DNAH8: variants seen among roughly 807,000 people sequenced by gnomAD.
The protein encoded by DNAH8 is axonemal beta dynein heavy chain 8.
A neutral mutation model predicts 562.1 loss-of-function variants in DNAH8; 382 were observed. That is an observed-to-expected ratio of 0.68 (90% CI 0.63 to 0.74). The LOEUF is 0.74. Ranked by LOEUF, DNAH8 falls within the 30% of genes least tolerant of loss-of-function variation. The pLI is 0.00. For missense variants in DNAH8, 5,203 were observed against 5,620.4 expected (o/e 0.93, Z 2.37); for synonymous variants, 1,881 against 1,919.4 (o/e 0.98, Z 0.52).
chr6:38,917,916 A>G lies in DNAH8; in HGVS notation c.10309-9A>G. On this transcript the variant is annotated splice_polypyrimidine_tract_variant and intron_variant, in intron 69 of 92. Coordinates refer to ENST00000327475, the MANE Select transcript of DNAH8 (RefSeq NM_001206927.2). Reference sequence around the variant, plus strand: ...TCCAGAACTTACAGGTTATAATACTATTTTTCAGTTGATGAGTGCAACAGG... The same window carrying G: ...TCCAGAACTTACAGGTTATAATACTGTTTTTCAGTTGATGAGTGCAACAGG... 6.2e-7 allele frequency: 1 copy of G among 1,600,348 alleles called. No individual in the cohort carries two copies.
chr6:38,851,654 A>C lies in DNAH8; in HGVS notation c.5446A>C (p.Ser1816Arg). 6.2e-7 allele frequency: 1 copy of C among 1,608,830 alleles called. No homozygotes were observed. The highest frequency in any genetic ancestry group is 2.2e-5 in the East Asian group (1 of 44,822). The change falls in exon 39 of 93, where the codon AGT becomes CGT. Residue 1816 changes from serine to arginine, a missense_variant. Physicochemically the swap from Ser to Arg is moderately radical, Grantham distance 110 (BLOSUM62 -1). Around this residue, in one of 6 missense-constraint regions of DNAH8, gnomAD observed 2,176 missense variants for 2,365.1 expected, o/e 0.92. Transcript: ENST00000327475. ...TCTCCTGGAAATTCTTGGACAAGCC[A>C]GTGATTCCCACACCATACAGGTATA... ...PVLLEILGQA[S>R]DSHTIQPHLP...
chr6:38,913,835 G>T lies in DNAH8; in HGVS notation c.9860-14G>T. ...CTGTACTCAGTAAAGGTATATATGT[G>T]TGTATTTGTAAAGGTCTTGATAAAC... On this transcript the variant is annotated splice_polypyrimidine_tract_variant and intron_variant, in intron 66 of 92. Transcript: ENST00000327475. The T allele has an allele frequency of 6.3e-7, 1 of 1,587,800 alleles. No individual in the cohort carries two copies. The highest frequency in any genetic ancestry group is 8.6e-7 in the Non-Finnish European group (1 of 1,156,822).
Position 38,913,886 on chromosome 6 carries a change from T to G in DNAH8, c.9897T>G (p.Ala3299=), listed in dbSNP as rs1199307195. The stretch of plus-strand genomic sequence containing the variant: ...TAATGGAGGCAAGTGAATCTGTTGC[T>G]AAACTCTCTCAGGATCTTGCAGTCA... ...DKLMEASESV[A]KLSQDLAVKE... Residue 3299 remains alanine (A), a synonymous_variant, in exon 67 of 93, where the codon GCT becomes GCG. Coordinates refer to ENST00000327475, the MANE Select transcript of DNAH8 (RefSeq NM_001206927.2). 1.2e-6 allele frequency: 2 copies of G among 1,613,456 alleles called. No individual in the cohort carries two copies. The highest frequency in any genetic ancestry group is 3.3e-4 in the Middle Eastern group (2 of 6,058).
intron 12 of DNAH8, among the ~76,000 whole-genome samples, chr6:38,771,817 T>C (rs1340330399): frequency 1.3e-5 from 2 of 152,190 alleles, no homozygotes; most frequent in African/African-American, 4.8e-5. Context: ...TATTTCCTCT[T>C]TTTGGCTATT....
intron 82 of DNAH8, among the ~76,000 whole-genome samples, chr6:38,964,965 G>A (rs1399361560): frequency 1.3e-5 from 2 of 152,106 alleles, no homozygotes. Context: ...TCAGGAAGCT[G>A]AGGCATGAGA....
chr6:38,974,334 A>C (rs753231423), intron 84 of DNAH8, 40 bp from the exon 85 acceptor site: 1 of 1,483,984 alleles, frequency 6.7e-7, no homozygotes, highest in Non-Finnish European at 9.2e-7. Flanking sequence ...TCTTTATAGT[A>C]ATTTATAGAA....
intron 44 of DNAH8, 105 bp downstream of exon 44, chr6:38,862,563 CATTAGTATGGGTTGATCCGTAT>C: frequency 7.6e-7 from 1 of 1,320,542 alleles, no homozygotes; most frequent in Non-Finnish European, 1.0e-6. Context: ...ATATAATCTA[CATTAGTATGGGTTGATCCGTAT>C]GATATTGCCA....
At chr6:38,784,451 C>G (rs72849924) in intron 17 of DNAH8, among the ~76,000 whole-genome samples, 18,297 of 152,224 alleles carry the variant, frequency 0.12, 1,356 homozygotes, top group Admixed American at 0.21. Context: ...TTTCATACAG[C>G]CTTTCCTTAT....
At chr6:39,011,055 AC>A (rs1446054258) in intron 89 of DNAH8, among the ~76,000 whole-genome samples, 1 of 151,922 alleles carries the variant, frequency 6.6e-6, no homozygotes, top group Admixed American at 6.6e-5. Flanking sequence ...AGTTTGCTCC[AC>A]CCGCATAGGT....
At chr6:38,831,762 C>T (rs1345910014) in intron 30 of DNAH8, among the ~76,000 whole-genome samples, 1 of 152,108 alleles carries the variant, frequency 6.6e-6, no homozygotes, top group African/African-American at 2.4e-5. Flanking sequence ...TAGCATATTA[C>T]AATTTTCTTC....
intron 30 of DNAH8, among the ~76,000 whole-genome samples, chr6:38,830,705 G>T (rs1773766648): frequency 6.9e-6 from 1 of 144,802 alleles, no homozygotes; most frequent in Non-Finnish European, 1.5e-5. Context: ...GAATTTTATA[G>T]AATATTAATT....
intron 5 of DNAH8, 52 bp from the exon 6 acceptor site, chr6:38,737,015 G>C (rs915511685): frequency 7.6e-7 from 1 of 1,315,322 alleles, no homozygotes; most frequent in South Asian, 1.9e-5. Context: ...TGATTTTTCA[G>C]TTCTTTAGTG....
chr6:38,757,634 C>G (rs888511484), intron 10 of DNAH8, among the ~76,000 whole-genome samples: 1 of 152,162 alleles, frequency 6.6e-6, no homozygotes, highest in African/African-American at 2.4e-5. Context: ...AGGTTTTCTT[C>G]TAGGGTTTTT....
At chr6:38,818,763 G>A (rs1772544851) in intron 26 of DNAH8, among the ~76,000 whole-genome samples, 1 of 152,326 alleles carries the variant, frequency 6.6e-6, no homozygotes, top group Non-Finnish European at 1.5e-5. Flanking sequence ...AAGGCAGAAT[G>A]CCTGGGTAAA....
chr6:38,779,004 T>G (rs1225091880), intron 14 of DNAH8, among the ~76,000 whole-genome samples: 1 of 152,204 alleles, frequency 6.6e-6, no homozygotes, highest in Non-Finnish European at 1.5e-5. Context: ...GTCCCCCACA[T>G]TTTTTTGTGG....
chr6:38,924,256 T>A, intron 73 of DNAH8, 94 bp downstream of exon 73: 2 of 1,271,088 alleles, frequency 1.6e-6, no homozygotes, highest in South Asian at 1.4e-5. Context: ...CTCACATCTG[T>A]AATCCCAGCA....
chr6:39,029,740 C>G (rs985050291), intron 92 of DNAH8, among the ~76,000 whole-genome samples: 1 of 152,206 alleles, frequency 6.6e-6, no homozygotes, highest in African/African-American at 2.4e-5. Context: ...CTGACAGCAG[C>G]TCTAGATCCT....
chr6:39,022,003 T>G (rs1766946062), intron 91 of DNAH8, among the ~76,000 whole-genome samples: 1 of 152,248 alleles, frequency 6.6e-6, no homozygotes, highest in Non-Finnish European at 1.5e-5. Flanking sequence ...GTTGAACTGT[T>G]GGATTACTAC....
chr6:39,029,540 G>A (rs570602941), intron 92 of DNAH8, among the ~76,000 whole-genome samples: 30 of 152,312 alleles, frequency 2.0e-4, no homozygotes, highest in African/African-American at 7.0e-4. Context: ...CCTATTGTAT[G>A]AGAGAGACAC....
Sources: gnomAD v4.1 joint callset for allele counts (sites outside exome capture counted in the v4.1 genomes callset) on GRCh38, gnomAD v4.1.1 for gene constraint, gnomAD v4.1.1 regional missense constraint, MANE v1.5 for transcripts, NCBI Gene and HGNC (gene_info 2026-07-23, HGNC 2026-07-21) for gene names.